The following CDH17 variants were observed in gnomAD, a reference collection of about 807,000 sequenced individuals.
CDH17 encodes cadherin-17.
In CDH17, 67 loss-of-function variants were observed where a neutral mutation model predicts 86.3. The observed-to-expected ratio is 0.78, with a 90% CI of 0.64 to 0.95. The LOEUF is 0.95. Among genes scored for constraint, CDH17 ranks in the 40% least tolerant of loss-of-function variants. The probability of loss-of-function intolerance (pLI) is 0.00; values close to 1 mark genes in which losing one functional copy is unlikely to be tolerated. For missense variants in CDH17, 993 were observed against 1,017.6 expected (o/e 0.98, Z 0.33); for synonymous variants, 367 against 366.4 (o/e 1.00, Z -0.02).
At chr8:94,216,532 C>T (rs1433412107) in intron 1 of CDH17, among the ~76,000 whole-genome samples, 1 of 148,990 alleles carries the variant, frequency 6.7e-6, no homozygotes, top group African/African-American at 2.5e-5. Context: ...GATAGACCAG[C>T]TTCTCAAAAA....
intron 15 of CDH17, among the ~76,000 whole-genome samples, chr8:94,133,971 A>T (rs1409272417): frequency 6.6e-6 from 1 of 152,174 alleles, no homozygotes; most frequent in Non-Finnish European, 1.5e-5. Context: ...TGATTTGTGT[A>T]TGTTGAACCA....
chr8:94,180,921 GCAAACAAA>G (rs1300132506), intron 3 of CDH17, among the ~76,000 whole-genome samples: 1 of 95,066 alleles, frequency 1.1e-5, no homozygotes, highest in Non-Finnish European at 2.2e-5. Flanking sequence ...ACAAAAACAA[GCAAACAAA>G]CAAACAAACA....
At chr8:94,137,242 C>T (rs1288894982) in intron 15 of CDH17, among the ~76,000 whole-genome samples, 1 of 152,202 alleles carries the variant, frequency 6.6e-6, no homozygotes, top group African/African-American at 2.4e-5. Flanking sequence ...TATGCCCTGT[C>T]CATAGAAATG....
chr8:94,194,842 A>G (rs1205330119), intron 1 of CDH17, 137 bp from the exon 2 acceptor site: 5 of 605,582 alleles, frequency 8.3e-6, no homozygotes, highest in Non-Finnish European at 1.5e-5. Flanking sequence ...CCTCTCCTCT[A>G]TATGGAGCAG....
chr8:94,129,756 C>A (rs1812373152), intron 17 of CDH17, among the ~76,000 whole-genome samples: 1 of 152,078 alleles, frequency 6.6e-6, no homozygotes, highest in Non-Finnish European at 1.5e-5. Context: ...CTTGATGTCA[C>A]AAGCATAAAA....
chr8:94,159,502 C>T (rs766564679), intron 12 of CDH17, among the ~76,000 whole-genome samples: 6 of 152,190 alleles, frequency 3.9e-5, no homozygotes, highest in Non-Finnish European at 7.3e-5. Context: ...TCCAACCCAA[C>T]TCCTCACATT....
At chr8:94,190,906 A>C (rs190205922) in intron 2 of CDH17, among the ~76,000 whole-genome samples, 122 of 152,240 alleles carry the variant, frequency 8.0e-4, no homozygotes, top group Admixed American at 3.1e-3. Context: ...AAAAAGCAAT[A>C]ATGAATGAGA....
At chr8:94,177,790 C>A in intron 3 of CDH17, 69 bp from the exon 4 acceptor site, 1 of 1,491,260 alleles carries the variant, frequency 6.7e-7, no homozygotes, top group South Asian at 1.2e-5. Flanking sequence ...TGTAGAAAGT[C>A]ACCAATTTCA....
At chr8:94,203,500 A>T (rs977585186) in intron 1 of CDH17, among the ~76,000 whole-genome samples, 30 of 152,200 alleles carry the variant, frequency 2.0e-4, no homozygotes, top group African/African-American at 7.2e-4. Context: ...ATTATAAGGC[A>T]AGGCCAGATA....
At chr8:94,169,375 A>G (rs1813224685) in intron 9 of CDH17, among the ~76,000 whole-genome samples, 1 of 152,212 alleles carries the variant, frequency 6.6e-6, no homozygotes, top group African/African-American at 2.4e-5. Flanking sequence ...CACAGAACAC[A>G]CTGACAAAAG....
intron 6 of CDH17, 21 bp downstream of exon 6, chr8:94,174,081 C>T (rs995217407): frequency 6.2e-7 from 1 of 1,612,402 alleles, no homozygotes; most frequent in African/African-American, 1.3e-5. Flanking sequence ...GACAGTCCTA[C>T]CAGGGCACCC....
intron 11 of CDH17, 62 bp downstream of exon 11, chr8:94,162,024 A>G (rs1301757182): frequency 9.4e-7 from 1 of 1,064,118 alleles, no homozygotes; most frequent in Admixed American, 1.8e-5. Flanking sequence ...TCTCTATCCC[A>G]GAAGAAAGGG....
chr8:94,163,453 G>C (rs1684067505), intron 10 of CDH17, among the ~76,000 whole-genome samples: 1 of 152,226 alleles, frequency 6.6e-6, no homozygotes, highest in Non-Finnish European at 1.5e-5. Flanking sequence ...AGTGTAGCTG[G>C]GGGTGTCACG....
At chr8:94,149,052 T>A (rs1325241892) in intron 13 of CDH17, among the ~76,000 whole-genome samples, 178 bp from the exon 14 acceptor site, 1 of 152,058 alleles carries the variant, frequency 6.6e-6, no homozygotes, top group African/African-American at 2.4e-5. Context: ...TAAAACATAT[T>A]TAAAGGATCT....
chr8:94,153,220 A>G (rs1812887981), intron 12 of CDH17, among the ~76,000 whole-genome samples: 1 of 152,238 alleles, frequency 6.6e-6, no homozygotes, highest in Non-Finnish European at 1.5e-5. Flanking sequence ...CTGAATAGTC[A>G]TTTCTCAAAA....
intron 1 of CDH17, among the ~76,000 whole-genome samples, chr8:94,200,532 C>CTTTTTTTTTTTTTTTTTTTTTTTTTTTTT (rs1387182561): frequency 2.0e-5 from 1 of 50,234 alleles, no homozygotes; most frequent in South Asian, 7.1e-4. Flanking sequence ...TTATTATTAT[C>CTTTTTTTTTTTTTTTTTTTTTTTTTTTTT]TTTTGTTTTT....
chr8:94,141,999 T>C (rs188715913), intron 15 of CDH17, among the ~76,000 whole-genome samples: 102 of 152,284 alleles, frequency 6.7e-4, no homozygotes, highest in African/African-American at 2.4e-3. Flanking sequence ...GGTATAAAAA[T>C]AGAAACAGAT....
chr8:94,166,767 A>G (rs1311240750), intron 9 of CDH17, among the ~76,000 whole-genome samples: 1 of 152,166 alleles, frequency 6.6e-6, no homozygotes, highest in Non-Finnish European at 1.5e-5. Flanking sequence ...AGATGCACAC[A>G]GAGGAGGAAA....
chr8:94,188,500 C>T (rs1381898436), intron 3 of CDH17, among the ~76,000 whole-genome samples: 2 of 152,164 alleles, frequency 1.3e-5, no homozygotes, highest in Non-Finnish European at 2.9e-5. Context: ...TCAGCATCCT[C>T]CAATCACTTC....
Sources: gnomAD v4.1 joint callset for allele counts (sites outside exome capture counted in the v4.1 genomes callset) on GRCh38, gnomAD v4.1.1 for gene constraint, MANE v1.5 for transcripts, NCBI Gene and HGNC (gene_info 2026-07-23, HGNC 2026-07-21) for gene names.